HYCC2: variants seen among roughly 807,000 people sequenced by gnomAD.
HYCC2 encodes the protein hyccin PI4KA lipid kinase complex subunit 2.
At chr2:201,003,473 G>A in the HYCC2 span, among the ~76,000 whole-genome samples, 1 of 152,154 alleles carries the variant, frequency 6.6e-6, no homozygotes, top group Non-Finnish European at 1.5e-5. Context: ...CACTTTGGGA[G>A]GCTGAGGTGG....
the HYCC2 span, among the ~76,000 whole-genome samples, chr2:201,036,062 T>C: frequency 4.0e-5 from 6 of 151,872 alleles, no homozygotes; most frequent in Non-Finnish European, 1.5e-5. Context: ...AAAGGGGATA[T>C]CACCACCGAT....
chr2:201,048,574 ATTC>A, the HYCC2 span, among the ~76,000 whole-genome samples: 1 of 151,616 alleles, frequency 6.6e-6, no homozygotes, highest in Non-Finnish European at 1.5e-5. Flanking sequence ...GCCCAAGACA[ATTC>A]TTCTGCTTCC....
the HYCC2 span, chr2:201,063,921 G>A: frequency 1.9e-6 from 3 of 1,597,104 alleles, no homozygotes; most frequent in South Asian, 3.3e-5. Context: ...CCCGTGAAGG[G>A]AGGAAATTTT....
At chr2:201,013,019 T>C in the HYCC2 span, among the ~76,000 whole-genome samples, 6 of 151,502 alleles carry the variant, frequency 4.0e-5, no homozygotes, top group East Asian at 1.2e-3. Context: ...GAGTGAAAAC[T>C]GCAGCAATCC....
the HYCC2 span, among the ~76,000 whole-genome samples, chr2:201,027,577 C>T: frequency 2.8e-3 from 419 of 152,228 alleles, 5 homozygotes; most frequent in Admixed American, 6.0e-3. Flanking sequence ...AAAATACTGG[C>T]AAACTGAATC....
the HYCC2 span, chr2:200,976,192 G>C: frequency 6.6e-6 from 1 of 152,100 alleles, no homozygotes; most frequent in African/African-American, 2.4e-5. Context: ...CAACTTGAAA[G>C]AAAAAGTCTC....
chr2:201,068,362 T>C, the HYCC2 span, among the ~76,000 whole-genome samples: 1 of 152,156 alleles, frequency 6.6e-6, no homozygotes, highest in African/African-American at 2.4e-5. Flanking sequence ...AAAGTATTAG[T>C]AAATTAGTAG....
At chr2:201,011,296 G>A in the HYCC2 span, 2 of 643,320 alleles carry the variant, frequency 3.1e-6, no homozygotes, top group Non-Finnish European at 5.1e-6. Flanking sequence ...AATCAGTAAA[G>A]ATATTTTAGG....
chr2:201,043,477 C>A, the HYCC2 span, among the ~76,000 whole-genome samples: 1 of 146,578 alleles, frequency 6.8e-6, no homozygotes, highest in Non-Finnish European at 1.5e-5. Flanking sequence ...GTACTGGTTA[C>A]AGAGAAATTC....
chr2:201,029,714 G>C, the HYCC2 span, among the ~76,000 whole-genome samples: 1 of 152,108 alleles, frequency 6.6e-6, no homozygotes, highest in Admixed American at 6.6e-5. Context: ...TCACTCATAG[G>C]TGGGAATTGA....
chr2:201,071,463 G>A, the HYCC2 span: 2 of 152,376 alleles, frequency 1.3e-5, no homozygotes, highest in African/African-American at 2.4e-5. Context: ...CCTGGTTTAC[G>A]AGAGGTTCCG....
chr2:201,047,460 A>G, the HYCC2 span, among the ~76,000 whole-genome samples: 1 of 150,784 alleles, frequency 6.6e-6, no homozygotes, highest in Admixed American at 6.6e-5. Flanking sequence ...ATATATATAT[A>G]TATATACACA....
the HYCC2 span, chr2:200,981,041 A>G: frequency 5.2e-6 from 3 of 578,388 alleles, no homozygotes; most frequent in Non-Finnish European, 9.1e-6. The surrounding 1 kb of genome is among the most constrained non-coding windows in gnomAD (Gnocchi z 4.5). Context: ...ACCATTTTAT[A>G]CTGCTTCACA....
the HYCC2 span, among the ~76,000 whole-genome samples, chr2:201,002,587 G>A: frequency 4.6e-5 from 7 of 151,092 alleles, no homozygotes; most frequent in South Asian, 4.2e-4. Flanking sequence ...GTGCAGTGGC[G>A]CGATCTTGGC....
the HYCC2 span, chr2:201,067,095 G>C: frequency 2.9e-5 from 8 of 279,952 alleles, no homozygotes; most frequent in African/African-American, 1.8e-4. Context: ...CCAAGATCAA[G>C]ACCCTGATCA....
chr2:201,034,220 C>G, the HYCC2 span, among the ~76,000 whole-genome samples: 26 of 152,094 alleles, frequency 1.7e-4, no homozygotes, highest in African/African-American at 6.0e-4. Context: ...TTATTAAGTA[C>G]TTTAAAAGAC....
the HYCC2 span, chr2:201,017,288 TCCA>T: frequency 3.9e-6 from 3 of 772,948 alleles, no homozygotes; most frequent in Non-Finnish European, 5.8e-6. Flanking sequence ...TATTAATTTC[TCCA>T]CATTTTAATT....
the HYCC2 span, chr2:201,011,298 T>C: frequency 3.0e-5 from 20 of 658,132 alleles, no homozygotes; most frequent in South Asian, 3.1e-4. Context: ...TCAGTAAAGA[T>C]ATTTTAGGAA....
At chr2:200,981,633 C>T in the HYCC2 span, 2 of 1,614,224 alleles carry the variant, frequency 1.2e-6, no homozygotes, top group Non-Finnish European at 1.7e-6. This position sits in a 1 kb window ranked among gnomAD's most constrained non-coding sequence, Gnocchi z 4.5. Flanking sequence ...CAGTTGGTTG[C>T]TGTACATACT....
Sources: allele counts gnomAD v4.1 joint callset (sites outside exome capture counted in the v4.1 genomes callset), GRCh38; gene constraint gnomAD v4.1.1; non-coding constraint Gnocchi (gnomAD v3.1); transcripts MANE v1.5; gene names NCBI Gene and HGNC (gene_info 2026-07-23, HGNC 2026-07-21).